The following TMEM120B variants were observed in gnomAD, a reference collection of about 807,000 sequenced individuals.
TMEM120B encodes transmembrane protein 120B.
In TMEM120B, 31 loss-of-function variants were observed where a neutral mutation model predicts 55.5. The observed-to-expected ratio is 0.56, with a 90% CI of 0.42 to 0.75. The LOEUF (loss-of-function observed/expected upper bound fraction) is 0.75, where lower values mean the gene tolerates loss of function less well. TMEM120B is among the 30% of genes least tolerant of loss of function. TMEM120B has a pLI of 0.00. For missense variants in TMEM120B, 399 were observed against 425.5 expected, an observed-to-expected ratio of 0.94 and a Z score of 0.55; for synonymous variants, 203 against 176.3, an observed-to-expected ratio of 1.15 and a Z score of -1.20.
chr12:121,779,680 C>G lies in TMEM120B; in HGVS notation c.*3958C>G, dbSNP rs1174703817. ...CTCAGGCCCTGGGTGGGGGGAGGAG[C>G]CAGCATTAGGTGAGGGGCCCCTGGA... On this transcript the variant is annotated 3_prime_UTR_variant, in exon 12 of 12. Coordinates refer to ENST00000449592, the MANE Select transcript of TMEM120B (RefSeq NM_001080825.2). The G allele has an allele frequency of 1.2e-6, 2 of 1,613,148 alleles. No homozygotes were observed. The highest frequency in any genetic ancestry group is 1.7e-6 in the Non-Finnish European group (2 of 1,179,606).
intron 1 of TMEM120B, among the ~76,000 whole-genome samples, chr12:121,714,404 C>T (rs965937272): frequency 1.3e-5 from 2 of 151,638 alleles, no homozygotes; most frequent in Non-Finnish European, 2.9e-5. Context: ...TACGGGTGTG[C>T]GCCACCGTGC....
chr12:121,750,981 A>C (rs1592938473), intron 4 of TMEM120B, among the ~76,000 whole-genome samples: 1 of 26,666 alleles, frequency 3.8e-5, no homozygotes, highest in Non-Finnish European at 6.8e-5. Context: ...CCCCACACCC[A>C]CACCCCACAC....
rs869293917 is a variant in TMEM120B at position 121,772,083 on chromosome 12, CT to C, written c.679+537del. Among the ~76,000 whole-genome samples, 5 of 135,856 alleles carry C rather than the reference CT, an allele frequency of 3.7e-5. No individual in the cohort carries two copies. In the East Asian group the frequency reaches 7.9e-4, roughly 22 times the overall value. The allele number at this position is 135,856 out of a possible 152,430, so 89.1% of individuals were successfully genotyped here. A position where few individuals can be genotyped will look rare whatever the true frequency, so the allele number is the denominator to read the frequency against. ...TCTTCCTTTCTTTTTCTTTCTTTCT[CT>C]TTCTCTCTCTCTCTCTTTCTCTCTT... On this transcript the variant is annotated intron_variant, in intron 8 of 11. Coordinates refer to ENST00000449592, the MANE Select transcript of TMEM120B (RefSeq NM_001080825.2).
intron 8 of TMEM120B, 54 bp from the exon 9 acceptor site, chr12:121,773,367 C>G: frequency 6.6e-7 from 1 of 1,523,222 alleles, no homozygotes; most frequent in Non-Finnish European, 9.0e-7. Context: ...GAGGTGTGGC[C>G]CTGTCTTCCG....
At chr12:121,770,829 A>G in intron 6 of TMEM120B, 78 bp from the exon 7 acceptor site, 1 of 1,347,972 alleles carries the variant, frequency 7.4e-7, no homozygotes, top group South Asian at 1.2e-5. Context: ...CCCCTGCTGC[A>G]TAGGTGGGGC....
At chr12:121,719,387 C>T (rs1894755046) in intron 1 of TMEM120B, among the ~76,000 whole-genome samples, 1 of 152,078 alleles carries the variant, frequency 6.6e-6, no homozygotes, top group Non-Finnish European at 1.5e-5. Context: ...GAGTTTGAGA[C>T]CAGCCTGGGC....
In TMEM120B at chr12:121,780,821, C is replaced by G. The variant is rs767636853; in HGVS notation, c.*5099C>G. ...ACCCCAGTTGCAGAGGCCAAAGGTC[C>G]GGGAGGCTTCACAGCCACGGCTGTG... On this transcript the variant is annotated 3_prime_UTR_variant, in exon 12 of 12. Coordinates refer to ENST00000449592, the MANE Select transcript of TMEM120B (RefSeq NM_001080825.2). The G allele has an allele frequency of 2.9e-5, 46 of 1,582,176 alleles. No homozygotes were observed. Among genetic ancestry groups the G allele is most frequent in the Non-Finnish European group, 3.9e-5 (45 of 1,165,874 alleles).
chr12:121,761,724 C>T lies in TMEM120B; in HGVS notation c.537C>T (p.Ile179=). 6.2e-7 allele frequency: 1 copy of T among 1,613,838 alleles called. No homozygotes were observed. Among genetic ancestry groups the T allele is most frequent in the Non-Finnish European group, 8.5e-7 (1 of 1,179,798 alleles). Residue 179 remains isoleucine (I), a synonymous_variant, in exon 6 of 12, where the codon ATC becomes ATT. Transcript: ENST00000449592. The part of the protein sequence containing the change: ...CTLTIRESIL[I]SNGSRIKGWW... ...TGACCATTCGGGAGAGCATTCTCAT[C>T]AGCAACGGCTCAAGGTACCTGGGCA...
Position 121,780,898 on chromosome 12 carries a change from G to T in TMEM120B, c.*5176G>T. 1 of 1,613,732 alleles carries T rather than the reference G, an allele frequency of 6.2e-7. No homozygotes were observed. Among genetic ancestry groups the T allele is most frequent in the Non-Finnish European group, 8.5e-7 (1 of 1,179,906 alleles). ...TGCATGTAGGTGATGGGCTCCAGCT[G>T]GGCGGCCCGGAGCTTCCGCAGCTGC... On this transcript the variant is annotated 3_prime_UTR_variant, in exon 12 of 12. Transcript: ENST00000449592.
Position 121,722,694 on chromosome 12 carries a change from A to G in TMEM120B, c.69+9730A>G, listed in dbSNP as rs375408650. Among the ~76,000 whole-genome samples the G allele has an allele frequency of 7.9e-5, 12 of 152,312 alleles. No homozygotes were observed. In the East Asian group the frequency reaches 2.3e-3, roughly 29 times the overall value. On this transcript the variant is annotated intron_variant, in intron 1 of 11. Coordinates refer to ENST00000449592, the MANE Select transcript of TMEM120B (RefSeq NM_001080825.2). ...TTAATGATACATTGTATGTAGTCCA[A>G]GTATAAAGACTTGCAAAGGAGTGAT...
At chr12:121,717,116 T>C (rs1445250797) in intron 1 of TMEM120B, among the ~76,000 whole-genome samples, 3 of 152,240 alleles carry the variant, frequency 2.0e-5, no homozygotes, top group Admixed American at 6.5e-5. Context: ...GCTGGTGAGT[T>C]GAGTGCTAGT....
chr12:121,714,525 C>T (rs1894659307), intron 1 of TMEM120B, among the ~76,000 whole-genome samples: 1 of 147,134 alleles, frequency 6.8e-6, no homozygotes, highest in Admixed American at 6.8e-5. Context: ...AGATTACAGG[C>T]ATGAGCCACT....
chr12:121,751,976 C>A, intron 4 of TMEM120B, 152 bp from the exon 5 acceptor site: 1 of 631,808 alleles, frequency 1.6e-6, no homozygotes. Flanking sequence ...ACTAACCCGT[C>A]AAGGCCAGGT....
chr12:121,769,689 T>C (rs945986750), intron 6 of TMEM120B, among the ~76,000 whole-genome samples: 1 of 150,490 alleles, frequency 6.6e-6, no homozygotes, highest in Non-Finnish European at 1.5e-5. Flanking sequence ...GGTGACAGAG[T>C]GAGACCCTGC....
At chr12:121,763,639 C>T (rs995265799) in intron 6 of TMEM120B, among the ~76,000 whole-genome samples, 1 of 152,120 alleles carries the variant, frequency 6.6e-6, no homozygotes, top group Non-Finnish European at 1.5e-5. Context: ...GACTGGGTTT[C>T]ATCATGTTGG....
rs369253168 is a variant in TMEM120B, at chr12:121,750,582, T to G, written c.365+143T>G. 501 of 412,560 alleles carry G rather than the reference T, an allele frequency of 1.2e-3. 2 individuals are homozygous for G. In the African/African-American group the frequency reaches 0.021, roughly 17 times the overall value. The allele number at this position is 412,560 out of a possible 1,614,324, so 25.6% of individuals were successfully genotyped here. The stretch of plus-strand genomic sequence containing the variant: ...CCACACCTCAAACCCACACCCACAC[T>G]CCACACCAACACCCCACCCACACCA... On this transcript the variant is annotated intron_variant, in intron 4 of 11. Transcript: ENST00000449592.
intron 1 of TMEM120B, among the ~76,000 whole-genome samples, chr12:121,728,501 AAAG>A: frequency 6.6e-6 from 1 of 151,788 alleles, no homozygotes; most frequent in Non-Finnish European, 1.5e-5. Flanking sequence ...AAAAAAAAAA[AAAG>A]AGAATGGGTT....
chr12:121,723,877 C>T (rs1256532664), intron 1 of TMEM120B, among the ~76,000 whole-genome samples: 2 of 152,006 alleles, frequency 1.3e-5, no homozygotes, highest in East Asian at 3.9e-4. Context: ...ATCATGACCA[C>T]GGCAGCCTTC....
chr12:121,774,448 A>AAG (rs781568862), intron 9 of TMEM120B, among the ~76,000 whole-genome samples: 3 of 152,182 alleles, frequency 2.0e-5, no homozygotes, highest in Non-Finnish European at 4.4e-5. Context: ...TGGTGGCTTG[A>AAG]AGAGAGAGAG....
Sources: gnomAD v4.1 joint callset for allele counts (sites outside exome capture counted in the v4.1 genomes callset) on GRCh38, gnomAD v4.1.1 for gene constraint, MANE v1.5 for transcripts, NCBI Gene and HGNC (gene_info 2026-07-23, HGNC 2026-07-21) for gene names.